Variants in TENT4A observed in about 807,000 individuals in gnomAD.
TENT4A encodes DNA polymerase kappa.
A neutral mutation model predicts 72.8 loss-of-function variants in TENT4A; 7 were observed. The observed-to-expected ratio is 0.10, with a 90% CI of 0.05 to 0.18. TENT4A has a LOEUF of 0.18. Ranked by LOEUF, TENT4A falls within the 10% of genes least tolerant of loss-of-function variation. The probability of loss-of-function intolerance (pLI) is 1.00; values close to 1 mark genes in which losing one functional copy is unlikely to be tolerated. For missense variants in TENT4A, 831 were observed against 1,017.7 expected, an observed-to-expected ratio of 0.82 and a Z score of 2.50; for synonymous variants, 456 against 434.3, an observed-to-expected ratio of 1.05 and a Z score of -0.62.
chr5:6,744,394 C>G (rs780021698), intron 6 of TENT4A, among the ~76,000 whole-genome samples: 12 of 152,184 alleles, frequency 7.9e-5, no homozygotes, highest in Non-Finnish European at 1.3e-4. Flanking sequence ...TGTAATTATA[C>G]TTTTTAAACA....
At chr5:6,732,561 T>G (rs766450715) in intron 1 of TENT4A, among the ~76,000 whole-genome samples, 9 of 152,224 alleles carry the variant, frequency 5.9e-5, no homozygotes, top group Non-Finnish European at 1.3e-4. Context: ...AATTGAGAAG[T>G]CAGTCATTAC....
intron 11 of TENT4A, chr5:6,751,439 A>ACGT: frequency 4.9e-6 from 2 of 407,404 alleles, no homozygotes; most frequent in Non-Finnish European, 8.6e-6. Context: ...CACGGGGGCC[A>ACGT]GGTTGACTGC....
chr5:6,722,063 A>G (rs1001709261), intron 1 of TENT4A, among the ~76,000 whole-genome samples: 16 of 152,164 alleles, frequency 1.1e-4, no homozygotes, highest in African/African-American at 3.4e-4. Flanking sequence ...TCCATTTCTC[A>G]GCTTCGGGAG....
intron 1 of TENT4A, among the ~76,000 whole-genome samples, chr5:6,726,469 G>T (rs1027873728): frequency 2.0e-5 from 3 of 152,170 alleles, no homozygotes; most frequent in Non-Finnish European, 4.4e-5. Context: ...TCAGTCCTGT[G>T]GTCCTGCAGG....
chr5:6,755,057 C>G lies in TENT4A; in HGVS notation c.*112C>G, dbSNP rs542882975. ...CCGCACGTCAGCCGGGCTCGCGGCACGCCCGCCGCTGATCACTCTGCATGT... is the reference window on the plus strand; with the variant it reads ...CCGCACGTCAGCCGGGCTCGCGGCAGGCCCGCCGCTGATCACTCTGCATGT... On this transcript the variant is annotated 3_prime_UTR_variant, in exon 13 of 13. Transcript: ENST00000230859. 1 of 877,572 alleles carries G rather than the reference C, an allele frequency of 1.1e-6. No homozygotes were observed. Among genetic ancestry groups the G allele is most frequent in the Admixed American group, 3.1e-5 (1 of 32,596 alleles). The allele number at this position is 877,572 out of a possible 1,614,324, so 54.4% of individuals were successfully genotyped here.
At chr5:6,714,907 A>T in intron 1 of TENT4A, 1 of 273,166 alleles carries the variant, frequency 3.7e-6, no homozygotes, top group Non-Finnish European at 6.8e-6. Context: ...TACAAGTAAC[A>T]GTCCAAGAAA....
At position 6,740,703 on chromosome 5, in the gene TENT4A, G is replaced by A. The variant is rs78282322; in HGVS notation, c.1008+851G>A. Among the ~76,000 whole-genome samples, 350 of 152,310 alleles carry A rather than the reference G, an allele frequency of 2.3e-3. 4 individuals are homozygous for A. Among genetic ancestry groups the A allele is most frequent in the African/African-American group, 7.9e-3 (328 of 41,558 alleles). On this transcript the variant is annotated intron_variant, in intron 4 of 12. Coordinates refer to ENST00000230859, the MANE Select transcript of TENT4A (RefSeq NM_006999.6). The stretch of plus-strand genomic sequence containing the variant: ...GGTGCACCTCTTGGTGAGAGTTAAC[G>A]AAGTGCACATGCTCATGTCACTGTC...
chr5:6,742,808 T>G (rs1220571785), intron 5 of TENT4A, among the ~76,000 whole-genome samples: 1 of 152,264 alleles, frequency 6.6e-6, no homozygotes, highest in African/African-American at 2.4e-5. Flanking sequence ...AGTAACCATT[T>G]TATAAAGTTG....
rs904220478 is a variant in TENT4A at position 6,713,468 on chromosome 5, ACCGCCG to A, written c.-499_-494del. On this transcript the variant is annotated 5_prime_UTR_variant, in exon 1 of 13. Transcript: ENST00000230859. ...CTGTCGCCGCCGAGAGTGTCTTTTC[ACCGCCG>A]CCGCCGCCGCCGCCGCAGGAGCGCC... 12 of 137,618 alleles carry A rather than the reference ACCGCCG, an allele frequency of 8.7e-5. No homozygotes were observed. The highest frequency in any genetic ancestry group is 1.2e-4 in the Non-Finnish European group (8 of 65,924). The allele number at this position is 137,618 out of a possible 1,614,324, so 8.5% of individuals were successfully genotyped here. A position where few individuals can be genotyped will look rare whatever the true frequency, so the allele number is the denominator to read the frequency against.
rs1742596663 is a variant in TENT4A, at chr5:6,754,735, C to T, written c.2185-16C>T. 1 of 1,555,912 alleles carries T rather than the reference C, an allele frequency of 6.4e-7. No homozygotes were observed. On this transcript the variant is annotated splice_polypyrimidine_tract_variant and intron_variant, in intron 12 of 12. Transcript: ENST00000230859. The stretch of plus-strand genomic sequence containing the variant: ...TGCTGTCTGGCTCCAACACTGCTGT[C>T]TCTCTCTTTCTCCAGCAGCACAACG...
chr5:6,714,743 G>T, intron 1 of TENT4A, 44 bp downstream of exon 1: 1 of 1,116,980 alleles, frequency 9.0e-7, no homozygotes, highest in Non-Finnish European at 1.1e-6. Context: ...GGGGCCCATG[G>T]TCCTGGCCGG....
Position 6,714,661 on chromosome 5 carries a change from C to G in TENT4A, c.678C>G (p.Thr226=), listed in dbSNP as rs917713582. The part of the protein sequence containing the change: ...GPGAQAPRPG[T]PWKSRAYSPG... ...GGGCCCAGGCGCCGCGGCCCGGCAC[C>G]CCGTGGAAGAGCCGCGCGTACAGCC... The change falls in exon 1 of 13, where the codon ACC becomes ACG. Residue 226 remains threonine (T), a synonymous_variant. Transcript: ENST00000230859. 5.1e-5 allele frequency: 61 copies of G among 1,197,950 alleles called. No homozygotes were observed. In the African/African-American group the frequency reaches 8.1e-4, roughly 16 times the overall value. 74.2% of individuals were successfully genotyped at this position (1,197,950 alleles called of 1,614,324 possible). A position where few individuals can be genotyped will look rare whatever the true frequency, so the allele number is the denominator to read the frequency against.
rs916126882 is a variant in TENT4A, at chr5:6,756,444, T to G, written c.*1499T>G. The G allele has an allele frequency of 1.3e-5, 2 of 152,556 alleles. No individual in the cohort carries two copies. Among genetic ancestry groups the G allele is most frequent in the African/African-American group, 4.8e-5 (2 of 41,450 alleles). The allele number at this position is 152,556 out of a possible 1,614,324, so 9.5% of individuals were successfully genotyped here. On this transcript the variant is annotated 3_prime_UTR_variant, in exon 13 of 13. Transcript: ENST00000230859. ...ACAAGATACTTATTACCATGACATC[T>G]GATGCATGTGCAGCAGTGGGGAGTT... is the stretch of plus-strand genomic sequence containing the variant.
chr5:6,745,913 T>C, intron 6 of TENT4A: 1 of 669,852 alleles, frequency 1.5e-6, no homozygotes. Flanking sequence ...CAGAATATAG[T>C]CCAACTTATT....
intron 1 of TENT4A, among the ~76,000 whole-genome samples, chr5:6,725,801 G>A (rs1740889397): frequency 6.6e-6 from 1 of 151,884 alleles, no homozygotes; most frequent in Non-Finnish European, 1.5e-5. Flanking sequence ...CACATGGATT[G>A]GTCAGTAGAA....
At chr5:6,721,404 A>C (rs1018006658) in intron 1 of TENT4A, among the ~76,000 whole-genome samples, 14 of 152,260 alleles carry the variant, frequency 9.2e-5, no homozygotes, top group African/African-American at 3.1e-4. Flanking sequence ...TAGAATGCAA[A>C]AGCAGAAAAC....
chr5:6,741,356 TAC>T (rs1741796110), intron 4 of TENT4A, among the ~76,000 whole-genome samples: 1 of 152,152 alleles, frequency 6.6e-6, no homozygotes, highest in Non-Finnish European at 1.5e-5. Flanking sequence ...AAAACTGTGT[TAC>T]AGTGTTAACT....
Position 6,750,517 on chromosome 5 carries a change from C to A in TENT4A, c.1860+14C>A. 6.4e-7 allele frequency: 1 copy of A among 1,570,282 alleles called. No homozygotes were observed. The highest frequency in any genetic ancestry group is 8.6e-7 in the Non-Finnish European group (1 of 1,157,588). ...GGGAGTGACGTTGTAAGTGCCCTCC[C>A]CTCCTCCGTGTGTCTGTTGGACAGT... On this transcript the variant is annotated intron_variant, in intron 10 of 12. Transcript: ENST00000230859.
At chr5:6,726,791 G>C (rs1299708501) in intron 1 of TENT4A, among the ~76,000 whole-genome samples, 2 of 152,190 alleles carry the variant, frequency 1.3e-5, no homozygotes, top group African/African-American at 2.4e-5. Flanking sequence ...TGATTGCCCA[G>C]CTGTCCTCAG....
Sources: gnomAD v4.1 joint callset for allele counts (sites outside exome capture counted in the v4.1 genomes callset) on GRCh38, gnomAD v4.1.1 for gene constraint, MANE v1.5 for transcripts, NCBI Gene and HGNC (gene_info 2026-07-23, HGNC 2026-07-21) for gene names.